RNLS: variants seen among roughly 807,000 people sequenced by gnomAD.
The protein encoded by RNLS is renalase, FAD dependent amine oxidase, also known as renalase.
A neutral mutation model predicts 39.8 loss-of-function variants in RNLS; 39 were observed. The observed-to-expected ratio is 0.98, with a 90% CI of 0.76 to 1.28. The LOEUF is 1.28. Among genes scored for constraint, RNLS ranks in the 50% most tolerant of loss-of-function variants. The pLI, the probability that RNLS is intolerant of heterozygous loss-of-function variation, is 0.00. For synonymous variants in RNLS, 147 were observed against 150.7 expected (o/e 0.98, Z 0.18); for missense variants, 410 against 413.3 (o/e 0.99, Z 0.07).
At chr10:88,457,107 C>A (rs1479893694) in intron 4 of RNLS, among the ~76,000 whole-genome samples, 1 of 152,156 alleles carries the variant, frequency 6.6e-6, no homozygotes, top group Non-Finnish European at 1.5e-5. Flanking sequence ...CCTTGTGAAA[C>A]CTCAAGAGTT....
At chr10:88,193,909 C>T in the RNLS span, among the ~76,000 whole-genome samples, 3 of 152,170 alleles carry the variant, frequency 2.0e-5, no homozygotes, top group African/African-American at 4.8e-5. Context: ...TGTCAAAATT[C>T]GACATGCATG....
chr10:88,176,948 G>A, the RNLS span, among the ~76,000 whole-genome samples: 2 of 152,286 alleles, frequency 1.3e-5, no homozygotes, highest in Admixed American at 6.5e-5. Flanking sequence ...GAAATCTGCT[G>A]TTAGTCTGAT....
rs1564662844 is a variant in RNLS at position 88,287,731 on chromosome 10, G to C, written c.877-2225C>G. 2.6e-5 allele frequency among the ~76,000 whole-genome samples: 4 copies of C among 152,246 alleles called. No individual in the cohort carries two copies. The South Asian group carries it at 8.3e-4, about 32-fold the overall frequency. Reference sequence around the variant, plus strand: ...CTTACATGGCAGCAGGCAAGAGAGAGAGAGCATGTGAAGGAGGAACTGTCA... The same window carrying C: ...CTTACATGGCAGCAGGCAAGAGAGACAGAGCATGTGAAGGAGGAACTGTCA... On this transcript the variant is annotated intron_variant, in intron 6 of 6. Coordinates refer to ENST00000331772, the MANE Select transcript of RNLS (RefSeq NM_001031709.3).
chr10:88,517,491 C>A (rs570480544), intron 4 of RNLS, among the ~76,000 whole-genome samples: 2 of 151,688 alleles, frequency 1.3e-5, no homozygotes, highest in Non-Finnish European at 3.0e-5. Flanking sequence ...TTGTCTCAAA[C>A]GTTTACTTTG....
At chr10:88,501,019 C>CTGTG (rs10678689) in intron 4 of RNLS, among the ~76,000 whole-genome samples, 3,902 of 150,080 alleles carry the variant, frequency 0.026, 51 homozygotes, top group East Asian at 0.035. Context: ...ATATATATCT[C>CTGTG]TGTGTGTGTG....
At chr10:88,279,474 G>C (rs532121135), downstream of RNLS, among the ~76,000 whole-genome samples, 40 of 152,164 alleles carry the variant, frequency 2.6e-4, no homozygotes, top group Admixed American at 5.9e-4. Flanking sequence ...CCTGCGGCTC[G>C]AGACAGAGAC....
intron 5 of RNLS, among the ~76,000 whole-genome samples, chr10:88,327,449 C>T (rs1846707792): frequency 6.6e-6 from 1 of 152,172 alleles, no homozygotes; most frequent in Non-Finnish European, 1.5e-5. Context: ...CTTCACTCCT[C>T]ACTCTTCTCT....
intron 4 of RNLS, among the ~76,000 whole-genome samples, chr10:88,517,883 G>GA (rs1017473013): frequency 7.3e-5 from 11 of 151,678 alleles, no homozygotes; most frequent in African/African-American, 1.9e-4. Flanking sequence ...TACACAATGG[G>GA]AAAAAAATAA....
chr10:88,189,502 A>C, the RNLS span, among the ~76,000 whole-genome samples: 1 of 151,032 alleles, frequency 6.6e-6, no homozygotes. Flanking sequence ...AATAATAAAC[A>C]AAAAAAAATA....
At chr10:88,437,986 C>T (rs207471249) in intron 4 of RNLS, among the ~76,000 whole-genome samples, 6 of 152,018 alleles carry the variant, frequency 3.9e-5, no homozygotes, top group African/African-American at 1.4e-4. Flanking sequence ...ATTAGCTGGG[C>T]GTGGTAGCAC....
At chr10:88,397,972 C>T (rs1852664908) in intron 4 of RNLS, among the ~76,000 whole-genome samples, 1 of 152,014 alleles carries the variant, frequency 6.6e-6, no homozygotes, top group East Asian at 1.9e-4. Flanking sequence ...ACCAAGACCA[C>T]TCAGTGGGGG....
At chr10:88,481,989 C>T (rs1844208316) in intron 4 of RNLS, among the ~76,000 whole-genome samples, 2 of 151,220 alleles carry the variant, frequency 1.3e-5, no homozygotes, top group African/African-American at 4.9e-5. Flanking sequence ...TTTTTTTCTT[C>T]CAGTATCTTT....
intron 4 of RNLS, among the ~76,000 whole-genome samples, chr10:88,391,105 T>A (rs1852170814): frequency 1.3e-5 from 2 of 152,202 alleles, no homozygotes; most frequent in South Asian, 4.1e-4. Context: ...AAAATATAAC[T>A]GCAATAATTT....
downstream of RNLS, among the ~76,000 whole-genome samples, chr10:88,283,791 G>A (rs1843107801): frequency 1.3e-5 from 2 of 151,988 alleles, no homozygotes. Context: ...GGGGACAACA[G>A]AAAGTGGGGC....
intron 3 of RNLS, among the ~76,000 whole-genome samples, chr10:88,575,840 C>A (rs961928446): frequency 2.0e-5 from 3 of 152,138 alleles, no homozygotes; most frequent in African/African-American, 7.2e-5. Context: ...TTACAAAGCC[C>A]TGTATAACCT....
chr10:88,494,933 T>A (rs186083390), intron 4 of RNLS, among the ~76,000 whole-genome samples: 1 of 152,190 alleles, frequency 6.6e-6, no homozygotes. Context: ...AACATTCAAC[T>A]ACTGCCACTT....
the RNLS span, among the ~76,000 whole-genome samples, chr10:88,245,544 T>C: frequency 6.6e-6 from 1 of 152,204 alleles, no homozygotes; most frequent in African/African-American, 2.4e-5. Context: ...TAAAGTATCA[T>C]CTGCAATGGG....
intron 5 of RNLS, among the ~76,000 whole-genome samples, chr10:88,351,098 T>A (rs552831881): frequency 4.6e-5 from 7 of 152,304 alleles, no homozygotes; most frequent in African/African-American, 1.4e-4. Flanking sequence ...CTTGTAAATT[T>A]GTTTGAGTTC....
intron 4 of RNLS, among the ~76,000 whole-genome samples, chr10:88,455,553 C>G (rs371430724): frequency 7.2e-5 from 11 of 152,196 alleles, no homozygotes; most frequent in African/African-American, 2.6e-4. Flanking sequence ...ACTACAGGCA[C>G]CCATCACCAC....
Sources: allele counts gnomAD v4.1 joint callset (sites outside exome capture counted in the v4.1 genomes callset), GRCh38; gene constraint gnomAD v4.1.1; transcripts MANE v1.5; gene names NCBI Gene and HGNC (gene_info 2026-07-23, HGNC 2026-07-21).